Variants in CNTNAP2 observed in about 807,000 individuals in gnomAD.
The protein encoded by CNTNAP2 is contactin-associated protein-like 2.
CNTNAP2 carries 98 observed loss-of-function variants against 155.2 expected under a neutral mutation model. The ratio of observed to expected loss-of-function variants is 0.63; its 90% CI spans 0.54 to 0.75. The LOEUF (loss-of-function observed/expected upper bound fraction) is 0.75, where lower values mean the gene tolerates loss of function less well. Among genes scored for constraint, CNTNAP2 ranks in the 30% least tolerant of loss-of-function variants. The pLI, the probability that CNTNAP2 is intolerant of heterozygous loss-of-function variation, is 0.00. For missense variants in CNTNAP2, 1,727 were observed against 1,688.1 expected (o/e 1.02, Z -0.40); for synonymous variants, 651 against 631.2 (o/e 1.03, Z -0.47).
chr7:146,966,507 G>A lies in CNTNAP2; in HGVS notation c.403-77400G>A, dbSNP rs188186013. ...TCACCAGTTTACTCTTTTAATATCT[G>A]CAATCTGGCCTCCATTTAGGGCTGC... On this transcript the variant is annotated intron_variant, in intron 3 of 23. Coordinates refer to ENST00000361727, the MANE Select transcript of CNTNAP2 (RefSeq NM_014141.6). Among the ~76,000 whole-genome samples, 7 of 152,276 alleles carry A rather than the reference G, an allele frequency of 4.6e-5. No individual in the cohort carries two copies. The East Asian group carries it at 1.4e-3, about 29-fold the overall frequency.
chr7:146,787,914 G>A (rs556312762), intron 2 of CNTNAP2, among the ~76,000 whole-genome samples: 8 of 151,850 alleles, frequency 5.3e-5, no homozygotes, highest in African/African-American at 1.2e-4. Flanking sequence ...TGATTGGTGC[G>A]TTCACAGTCC....
intron 1 of CNTNAP2, among the ~76,000 whole-genome samples, chr7:146,647,823 T>G (rs1297630560): frequency 6.6e-6 from 1 of 152,186 alleles, no homozygotes; most frequent in Non-Finnish European, 1.5e-5. Flanking sequence ...AAAAGAAATC[T>G]TTTACTCTAC....
chr7:147,008,602 G>A (rs981284786), intron 3 of CNTNAP2, among the ~76,000 whole-genome samples: 11 of 152,056 alleles, frequency 7.2e-5, no homozygotes, highest in East Asian at 3.9e-4. Flanking sequence ...GCATACACAC[G>A]TAAGTACGCC....
chr7:148,373,720 G>A (rs1585318517), intron 21 of CNTNAP2, among the ~76,000 whole-genome samples: 1 of 152,174 alleles, frequency 6.6e-6, no homozygotes. Flanking sequence ...AATTTAGATG[G>A]CCTCTCTCAG....
At chr7:147,854,774 A>G (rs1429167032) in intron 13 of CNTNAP2, among the ~76,000 whole-genome samples, 1 of 152,180 alleles carries the variant, frequency 6.6e-6, no homozygotes, top group East Asian at 1.9e-4. Flanking sequence ...TTTGAAGTCT[A>G]CTTGAAACAA....
intron 18 of CNTNAP2, among the ~76,000 whole-genome samples, chr7:148,175,183 T>G (rs1485956091): frequency 1.3e-5 from 2 of 152,226 alleles, no homozygotes; most frequent in Non-Finnish European, 2.9e-5. Context: ...TGGTTCTAAG[T>G]CTTTGCTGTG....
chr7:146,456,403 G>T (rs1796556047), intron 1 of CNTNAP2, among the ~76,000 whole-genome samples: 1 of 152,114 alleles, frequency 6.6e-6, no homozygotes, highest in Non-Finnish European at 1.5e-5. Context: ...AAAGCAAGTT[G>T]CTTGACAGAA....
intron 5 of CNTNAP2, among the ~76,000 whole-genome samples, chr7:147,109,106 C>CTTA (rs1371137886): frequency 6.6e-6 from 1 of 152,118 alleles, no homozygotes; most frequent in African/African-American, 2.4e-5. Flanking sequence ...GCTTTATCAT[C>CTTA]TTATTTTTTA....
chr7:146,221,825 C>G (rs1799212801), intron 1 of CNTNAP2, among the ~76,000 whole-genome samples: 1 of 152,102 alleles, frequency 6.6e-6, no homozygotes, highest in Non-Finnish European at 1.5e-5. Context: ...TAAAGACAAA[C>G]TATATTTTGC....
At chr7:146,524,429 C>T (rs1486811483) in intron 1 of CNTNAP2, among the ~76,000 whole-genome samples, 1 of 151,982 alleles carries the variant, frequency 6.6e-6, no homozygotes, top group African/African-American at 2.4e-5. Flanking sequence ...AGTTGCTTGA[C>T]AGCATATTGA....
intron 3 of CNTNAP2, among the ~76,000 whole-genome samples, chr7:146,861,832 A>C (rs1328333076): frequency 6.6e-6 from 1 of 152,184 alleles, no homozygotes; most frequent in Non-Finnish European, 1.5e-5. Context: ...CGCCTTATAA[A>C]TATTTAAAAG....
intron 10 of CNTNAP2, among the ~76,000 whole-genome samples, chr7:147,432,948 A>G (rs184920381): frequency 1.3e-5 from 2 of 152,350 alleles, no homozygotes; most frequent in African/African-American, 2.4e-5. Context: ...ATCACACCCA[A>G]TAGCCTTTAA....
intron 14 of CNTNAP2, among the ~76,000 whole-genome samples, chr7:147,944,843 C>A (rs1201226765): frequency 6.6e-6 from 1 of 152,114 alleles, no homozygotes; most frequent in East Asian, 1.9e-4. Flanking sequence ...TATGTTTATA[C>A]CTCACTTTGT....
At chr7:147,749,930 C>T (rs1190670771) in intron 13 of CNTNAP2, among the ~76,000 whole-genome samples, 2 of 152,184 alleles carry the variant, frequency 1.3e-5, no homozygotes, top group African/African-American at 4.8e-5. Flanking sequence ...TGATCAAATA[C>T]ACACAAATAT....
intron 8 of CNTNAP2, among the ~76,000 whole-genome samples, chr7:147,215,117 A>T (rs1803238305): frequency 6.6e-6 from 1 of 152,156 alleles, no homozygotes; most frequent in African/African-American, 2.4e-5. Flanking sequence ...ATAATTTGAG[A>T]TAAGATTTGG....
chr7:147,086,790 C>G (rs997559479), intron 4 of CNTNAP2, among the ~76,000 whole-genome samples: 1 of 152,126 alleles, frequency 6.6e-6, no homozygotes, highest in Admixed American at 6.6e-5. Flanking sequence ...GTAGCACTTT[C>G]TCTAACTATA....
chr7:147,375,095 C>T (rs528778078), intron 9 of CNTNAP2, among the ~76,000 whole-genome samples: 7 of 151,962 alleles, frequency 4.6e-5, no homozygotes, highest in South Asian at 2.1e-4. Flanking sequence ...CCATGTAAGA[C>T]GTGTCTGCTT....
At chr7:147,671,511 AT>A (rs201215305) in intron 13 of CNTNAP2, among the ~76,000 whole-genome samples, 20 of 151,854 alleles carry the variant, frequency 1.3e-4, no homozygotes, top group African/African-American at 3.6e-4. Context: ...AGAAAAAGAA[AT>A]TTTTTTTTGG....
chr7:148,220,911 A>G (rs546279681), intron 19 of CNTNAP2, among the ~76,000 whole-genome samples: 19 of 152,254 alleles, frequency 1.2e-4, no homozygotes, highest in Admixed American at 5.9e-4. Flanking sequence ...CTGGGCAGAT[A>G]AGAACCTTGG....
Sources: allele counts gnomAD v4.1 joint callset (sites outside exome capture counted in the v4.1 genomes callset), GRCh38; gene constraint gnomAD v4.1.1; transcripts MANE v1.5; gene names NCBI Gene and HGNC (gene_info 2026-07-23, HGNC 2026-07-21).